The following SEMA3E variants were observed in gnomAD, a reference collection of about 807,000 sequenced individuals.
SEMA3E encodes the protein semaphorin-3E.
SEMA3E carries 49 observed loss-of-function variants against 93.6 expected under a neutral mutation model. The ratio of observed to expected loss-of-function variants is 0.52; its 90% CI spans 0.42 to 0.66. The LOEUF is 0.66. SEMA3E is among the 30% of genes least tolerant of loss of function. The pLI, the probability that SEMA3E is intolerant of heterozygous loss-of-function variation, is 0.00. For missense variants in SEMA3E, 906 were observed against 964.8 expected, an observed-to-expected ratio of 0.94 and a Z score of 0.81; for synonymous variants, 363 against 330.7, an observed-to-expected ratio of 1.10 and a Z score of -1.06.
chr7:83,534,004 C>T (rs957619213), intron 1 of SEMA3E, among the ~76,000 whole-genome samples: 5 of 152,136 alleles, frequency 3.3e-5, no homozygotes, highest in Non-Finnish European at 7.4e-5. Context: ...TTCTAAATAG[C>T]ATATCATATG....
At chr7:83,408,584 T>A (rs555426027) in intron 5 of SEMA3E, 97 bp from the exon 6 acceptor site, 5 of 1,276,448 alleles carry the variant, frequency 3.9e-6, no homozygotes, top group African/African-American at 3.0e-5. Context: ...TAATATGTAC[T>A]TTATGACATT....
intron 16 of SEMA3E, among the ~76,000 whole-genome samples, chr7:83,368,321 T>A (rs113388670): frequency 0.011 from 1,691 of 152,116 alleles, 32 homozygotes; most frequent in African/African-American, 0.039. Context: ...AGTAAGAGGG[T>A]TTTCTCCCTA....
chr7:83,578,903 C>A (rs553049242), intron 1 of SEMA3E, among the ~76,000 whole-genome samples: 4 of 152,034 alleles, frequency 2.6e-5, no homozygotes, highest in Admixed American at 2.6e-4. Context: ...TGGAGCTTTG[C>A]AAGTCTTTGA....
chr7:83,370,027 C>T (rs1794729926), intron 16 of SEMA3E, among the ~76,000 whole-genome samples: 1 of 151,986 alleles, frequency 6.6e-6, no homozygotes, highest in South Asian at 2.1e-4. Flanking sequence ...CCTTATTTTC[C>T]TTACTCTTTC....
Position 83,517,356 on chromosome 7 carries a change from C to A in SEMA3E, c.116-27082G>T, listed in dbSNP as rs911069314. ...CACTTGGAGAGATTTGTACTAAAAT[C>A]ATCAACAACGTTGAAAGCTTTACCC... On this transcript the variant is annotated intron_variant, in intron 1 of 16. Transcript: ENST00000643230. 4.6e-5 allele frequency among the ~76,000 whole-genome samples: 7 copies of A among 152,136 alleles called. No homozygotes were observed. The East Asian group carries it at 1.2e-3, about 25-fold the overall frequency.
chr7:83,616,984 C>A lies in SEMA3E; in HGVS notation c.115+31444G>T, dbSNP rs557097655. On this transcript the variant is annotated intron_variant, in intron 1 of 16. Transcript: ENST00000643230. ...AGGTGATCCACCCACCTTGGCCTCC[C>A]AAAGTGCTGGGATTACAGGCGTAAG... Among the ~76,000 whole-genome samples, 13 of 152,206 alleles carry A rather than the reference C, an allele frequency of 8.5e-5. 1 individual carries two copies. The highest frequency in any genetic ancestry group is 3.1e-4 in the African/African-American group (13 of 41,556).
At chr7:83,551,462 A>G (rs1339159081) in intron 1 of SEMA3E, among the ~76,000 whole-genome samples, 1 of 151,638 alleles carries the variant, frequency 6.6e-6, no homozygotes. Flanking sequence ...TTTTTTAAAC[A>G]AAACAATAAG....
Position 83,405,665 on chromosome 7 carries a change from C to A in SEMA3E, c.929-146G>T, listed in dbSNP as rs1464421929. 5.2e-6 allele frequency: 4 copies of A among 773,398 alleles called. No individual in the cohort carries two copies. The African/African-American group carries it at 6.9e-5, about 13-fold the overall frequency. The allele number at this position is 773,398 out of a possible 1,614,324, so 47.9% of individuals were successfully genotyped here. On this transcript the variant is annotated intron_variant, in intron 8 of 16. Coordinates refer to ENST00000643230, the MANE Select transcript of SEMA3E (RefSeq NM_012431.3). ...TACAATCATACAACCATGACCAAGT[C>A]ATAACAGAGCTAATCATTCAGCTAT...
At chr7:83,372,613 T>C (rs1389816046) in intron 16 of SEMA3E, 2 of 201,434 alleles carry the variant, frequency 9.9e-6, no homozygotes, top group African/African-American at 2.3e-5. Flanking sequence ...AAAGTCCAGA[T>C]TGGTCAAGAT....
chr7:83,648,502 C>A lies in SEMA3E; in HGVS notation c.41G>T (p.Gly14Val), dbSNP rs1794110039. 1 of 1,612,906 alleles carries A rather than the reference C, an allele frequency of 6.2e-7. No homozygotes were observed. Among genetic ancestry groups the A allele is most frequent in the South Asian group, 1.1e-5 (1 of 91,048 alleles). Residue 14 changes from glycine to valine, a missense_variant, in exon 1 of 17, where the codon GGT becomes GTT. Coordinates refer to ENST00000643230, the MANE Select transcript of SEMA3E (RefSeq NM_012431.3). ...AGHIITLLLW[G>V]YLLELWTGGH... ...TCCTGTCCAAAGCTCCAGTAAGTAA[C>A]CCCACAGGAGCAAGGTGATAATGTG...
At chr7:83,627,856 G>A (rs1392823314) in intron 1 of SEMA3E, among the ~76,000 whole-genome samples, 5 of 151,916 alleles carry the variant, frequency 3.3e-5, no homozygotes, top group Admixed American at 3.3e-4. Flanking sequence ...TGATCCTGTC[G>A]TTATGATGCT....
intron 5 of SEMA3E, among the ~76,000 whole-genome samples, chr7:83,412,250 G>A (rs562947607): frequency 2.0e-5 from 3 of 151,890 alleles, no homozygotes; most frequent in African/African-American, 7.3e-5. Context: ...TGTAGCTCTG[G>A]TACCTATTTC....
At chr7:83,382,047 C>CCTTATAT (rs1190855717) in intron 16 of SEMA3E, among the ~76,000 whole-genome samples, 1 of 151,970 alleles carries the variant, frequency 6.6e-6, no homozygotes, top group Non-Finnish European at 1.5e-5. Flanking sequence ...ATCAATCTGA[C>CCTTATAT]ATCAGGAGCA....
At chr7:83,580,877 T>C (rs989536184) in intron 1 of SEMA3E, among the ~76,000 whole-genome samples, 4 of 152,014 alleles carry the variant, frequency 2.6e-5, no homozygotes, top group Admixed American at 1.3e-4. Flanking sequence ...CCAAAAAATT[T>C]ATTTAAGATT....
intron 14 of SEMA3E, among the ~76,000 whole-genome samples, chr7:83,389,694 A>G (rs911189122): frequency 6.7e-6 from 1 of 150,090 alleles, no homozygotes; most frequent in African/African-American, 2.4e-5. Context: ...TTACATGTAT[A>G]CATACACACA....
intron 16 of SEMA3E, chr7:83,371,467 G>T (rs1794748014): frequency 6.6e-6 from 1 of 152,046 alleles, no homozygotes; most frequent in South Asian, 2.1e-4. Flanking sequence ...AAAACACACA[G>T]TAAATAAACA....
intron 1 of SEMA3E, among the ~76,000 whole-genome samples, chr7:83,604,124 C>CTT (rs147272531): frequency 0.28 from 42,518 of 151,940 alleles, 6,540 homozygotes; most frequent in African/African-American, 0.4. Flanking sequence ...GATAAGAAGA[C>CTT]TCTTTGTTTA....
chr7:83,556,393 C>T (rs1791889231), intron 1 of SEMA3E, among the ~76,000 whole-genome samples: 2 of 151,984 alleles, frequency 1.3e-5, no homozygotes, highest in South Asian at 4.2e-4. Flanking sequence ...ATATGGAGCC[C>T]CTTATTAAAT....
At chr7:83,621,976 C>T (rs1024084000) in intron 1 of SEMA3E, among the ~76,000 whole-genome samples, 12 of 152,046 alleles carry the variant, frequency 7.9e-5, no homozygotes, top group Non-Finnish European at 1.8e-4. Flanking sequence ...GCAACAAATG[C>T]AAATCTTGAT....
Sources: allele counts gnomAD v4.1 joint callset (sites outside exome capture counted in the v4.1 genomes callset), GRCh38; gene constraint gnomAD v4.1.1; transcripts MANE v1.5; gene names NCBI Gene and HGNC (gene_info 2026-07-23, HGNC 2026-07-21).